ARHGEF28: variants seen among roughly 807,000 people sequenced by gnomAD.
ARHGEF28 encodes the protein Rho guanine nucleotide exchange factor 28.
ARHGEF28 carries 152 observed loss-of-function variants against 206.6 expected under a neutral mutation model. The observed-to-expected ratio is 0.74, with a 90% CI of 0.64 to 0.84. The LOEUF (loss-of-function observed/expected upper bound fraction) is 0.84, where lower values mean the gene tolerates loss of function less well. ARHGEF28 is among the 40% of genes least tolerant of loss of function. The probability of loss-of-function intolerance (pLI) is 0.00; values close to 1 mark genes in which losing one functional copy is unlikely to be tolerated. For synonymous variants in ARHGEF28, 763 were observed against 776.4 expected (o/e 0.98, Z 0.29); for missense variants, 2,028 against 2,073.2 (o/e 0.98, Z 0.42).
rs149353067 is a variant in ARHGEF28 at position 73,901,344 on chromosome 5, C to T, written c.4074+60C>T. On this transcript the variant is annotated intron_variant, in intron 31 of 35. Coordinates refer to ENST00000513042, the MANE Select transcript of ARHGEF28 (RefSeq NM_001177693.2). ...GTTACTGTGTATAATAAAATAGCCT[C>T]AGGTTCTGGTCTGTCACGGCAGTCA... 131 of 1,455,706 alleles carry T rather than the reference C, an allele frequency of 9.0e-5. No individual in the cohort carries two copies. The East Asian group carries it at 3.0e-3, about 33-fold the overall frequency. The allele number at this position is 1,455,706 out of a possible 1,614,324, so 90.2% of individuals were successfully genotyped here.
At chr5:73,861,869 G>A (rs1312186802) in intron 16 of ARHGEF28, among the ~76,000 whole-genome samples, 1 of 151,942 alleles carries the variant, frequency 6.6e-6, no homozygotes, top group African/African-American at 2.4e-5. Context: ...TTTTGGCGGG[G>A]GGAGAGGGTG....
chr5:73,837,766 G>T, intron 10 of ARHGEF28, among the ~76,000 whole-genome samples: 1 of 142,502 alleles, frequency 7.0e-6, no homozygotes. Context: ...TTTTGAGACA[G>T]AGTCTTCCTC....
At chr5:73,934,876 AAC>A (rs1412265689) in intron 35 of ARHGEF28, among the ~76,000 whole-genome samples, 1 of 152,204 alleles carries the variant, frequency 6.6e-6, no homozygotes, top group East Asian at 1.9e-4. Context: ...TGTTTAGAGA[AAC>A]ATACTTTGAA....
chr5:73,920,584 C>CT (rs1165839523), intron 35 of ARHGEF28, among the ~76,000 whole-genome samples: 3 of 132,592 alleles, frequency 2.3e-5, no homozygotes, highest in Non-Finnish European at 4.6e-5. Context: ...GAGTCTCACT[C>CT]TTTCGCCCAA....
At chr5:73,717,473 C>A (rs1436885436) in intron 2 of ARHGEF28, among the ~76,000 whole-genome samples, 2 of 152,058 alleles carry the variant, frequency 1.3e-5, no homozygotes, top group Admixed American at 1.3e-4. Context: ...CTGGGAAATC[C>A]CTTTATATAA....
At chr5:73,761,420 C>A (rs879369867) in intron 4 of ARHGEF28, among the ~76,000 whole-genome samples, 2 of 151,994 alleles carry the variant, frequency 1.3e-5, no homozygotes, top group Non-Finnish European at 2.9e-5. Flanking sequence ...AAAATCCCCA[C>A]GATTGAAAAA....
intron 9 of ARHGEF28, among the ~76,000 whole-genome samples, chr5:73,820,239 G>T (rs1444446789): frequency 6.6e-6 from 1 of 152,134 alleles, no homozygotes; most frequent in Non-Finnish European, 1.5e-5. Flanking sequence ...AGAAAACTTG[G>T]TCTGATACAA....
chr5:73,875,870 T>G (rs910420766), intron 22 of ARHGEF28, among the ~76,000 whole-genome samples: 1 of 152,332 alleles, frequency 6.6e-6, no homozygotes, highest in East Asian at 1.9e-4. Flanking sequence ...TCCACCTTTG[T>G]TCTTTTGGCT....
At chr5:73,692,234 G>A (rs368341596) in intron 2 of ARHGEF28, among the ~76,000 whole-genome samples, 5 of 152,232 alleles carry the variant, frequency 3.3e-5, no homozygotes, top group South Asian at 2.1e-4. Context: ...TGACTAATCC[G>A]TGGAGATTTT....
chr5:73,732,633 A>G (rs940571955), intron 2 of ARHGEF28, among the ~76,000 whole-genome samples: 9 of 152,146 alleles, frequency 5.9e-5, no homozygotes, highest in Non-Finnish European at 1.0e-4. Flanking sequence ...TATAGCACTT[A>G]TCTGATATTT....
At chr5:73,906,386 G>A (rs911158484) in intron 33 of ARHGEF28, among the ~76,000 whole-genome samples, 4 of 152,134 alleles carry the variant, frequency 2.6e-5, no homozygotes, top group East Asian at 3.9e-4. Flanking sequence ...CTATAGGCGT[G>A]TGCCACCAAG....
intron 10 of ARHGEF28, among the ~76,000 whole-genome samples, chr5:73,839,922 A>G (rs1757880352): frequency 6.6e-6 from 1 of 152,116 alleles, no homozygotes; most frequent in Non-Finnish European, 1.5e-5. Flanking sequence ...TTTTTGAATG[A>G]AGCTGTATAG....
At chr5:73,660,170 A>AT (rs1158772529) in intron 1 of ARHGEF28, among the ~76,000 whole-genome samples, 4 of 152,150 alleles carry the variant, frequency 2.6e-5, no homozygotes, top group Admixed American at 6.5e-5. Flanking sequence ...AATATTCTAA[A>AT]TTTTTTGTTG....
chr5:73,746,692 ATTG>A (rs1210716031), intron 2 of ARHGEF28, among the ~76,000 whole-genome samples: 2 of 152,214 alleles, frequency 1.3e-5, no homozygotes, highest in South Asian at 4.1e-4. Context: ...ATGGATAGCT[ATTG>A]TTCTAAAACT....
chr5:73,834,156 C>T (rs1376614667), intron 10 of ARHGEF28, among the ~76,000 whole-genome samples: 1 of 152,178 alleles, frequency 6.6e-6, no homozygotes, highest in African/African-American at 2.4e-5. Context: ...CACAATCAAG[C>T]TAATTAAGCA....
chr5:73,930,721 T>C (rs1764066352), intron 35 of ARHGEF28, among the ~76,000 whole-genome samples: 1 of 152,226 alleles, frequency 6.6e-6, no homozygotes, highest in Non-Finnish European at 1.5e-5. Flanking sequence ...ACCTTCTCCC[T>C]TACTCCTTGC....
chr5:73,881,791 C>A (rs1017040387), intron 22 of ARHGEF28, among the ~76,000 whole-genome samples: 1 of 152,292 alleles, frequency 6.6e-6, no homozygotes, highest in East Asian at 1.9e-4. Context: ...AAGTTGATTT[C>A]TATGTGGATT....
At chr5:73,874,781 G>C in intron 22 of ARHGEF28, among the ~76,000 whole-genome samples, 1 of 149,176 alleles carries the variant, frequency 6.7e-6, no homozygotes, top group Admixed American at 6.7e-5. Context: ...GTATTCCATG[G>C]TGTATATGTG....
At chr5:73,669,627 A>G (rs1482830861) in intron 1 of ARHGEF28, among the ~76,000 whole-genome samples, 1 of 152,250 alleles carries the variant, frequency 6.6e-6, no homozygotes, top group African/African-American at 2.4e-5. Context: ...TCTTAATATA[A>G]CAACGAATAT....
Sources: allele counts gnomAD v4.1 joint callset (sites outside exome capture counted in the v4.1 genomes callset), GRCh38; gene constraint gnomAD v4.1.1; transcripts MANE v1.5; gene names NCBI Gene and HGNC (gene_info 2026-07-23, HGNC 2026-07-21).